RBFOX1: variants seen among roughly 807,000 people sequenced by gnomAD.
RBFOX1 encodes RNA binding protein fox-1 homolog 1.
A neutral mutation model predicts 57.7 loss-of-function variants in RBFOX1; 8 were observed. That is an observed-to-expected ratio of 0.14 (90% confidence interval 0.08 to 0.25). The LOEUF is 0.25. Ranked by LOEUF, RBFOX1 falls within the 10% of genes least tolerant of loss-of-function variation. RBFOX1 has a pLI of 1.00. For missense variants in RBFOX1, 611 were observed against 548.5 expected, an observed-to-expected ratio of 1.11 and a Z score of -1.14; for synonymous variants, 326 against 222.4, an observed-to-expected ratio of 1.47 and a Z score of -4.15.
chr16:5,270,186 A>C (rs1405131165), intron 1 of RBFOX1: 2 of 416,988 alleles, frequency 4.8e-6, no homozygotes, highest in Non-Finnish European at 9.0e-6. Flanking sequence ...GGCGGTTGTT[A>C]AGAACAAGTG....
chr16:7,584,424 C>G (rs779003164), intron 6 of RBFOX1, among the ~76,000 whole-genome samples: 2 of 152,310 alleles, frequency 1.3e-5, no homozygotes, highest in South Asian at 2.1e-4. Context: ...TCCCAAGTAA[C>G]TGGGATTACA....
At chr16:5,583,816 T>C (rs1396355610) in intron 2 of RBFOX1, among the ~76,000 whole-genome samples, 1 of 152,170 alleles carries the variant, frequency 6.6e-6, no homozygotes, top group Non-Finnish European at 1.5e-5. Context: ...TGCTCAAGGT[T>C]ATAAGTCTGC....
chr16:7,587,689 G>A (rs2094202089), intron 7 of RBFOX1, among the ~76,000 whole-genome samples: 1 of 152,160 alleles, frequency 6.6e-6, no homozygotes, highest in Non-Finnish European at 1.5e-5. Flanking sequence ...ATTTTCCTGG[G>A]TTGTAGGGGA....
intron 3 of RBFOX1, among the ~76,000 whole-genome samples, chr16:7,000,159 A>C (rs964024573): frequency 4.6e-5 from 7 of 152,096 alleles, no homozygotes; most frequent in Non-Finnish European, 8.8e-5. Flanking sequence ...AGAATATGAG[A>C]ATTCTTAAGG....
At chr16:6,311,541 C>T (rs1050526961) in intron 1 of RBFOX1, among the ~76,000 whole-genome samples, 49 of 152,116 alleles carry the variant, frequency 3.2e-4, no homozygotes, top group Non-Finnish European at 1.0e-4. Flanking sequence ...CGCCTGATGG[C>T]AGGGAAAGGT....
In RBFOX1 at chr16:7,075,336, A is replaced by C. The variant is rs181296126; in HGVS notation, c.27+23238A>C. The stretch of plus-strand genomic sequence containing the variant: ...TATAGAGCACTGAGAGGTTGCCCAA[A>C]AGAACTCTAGGAGAAGAGTTGGGAA... On this transcript the variant is annotated intron_variant, in intron 4 of 15. Transcript: ENST00000550418. Among the ~76,000 whole-genome samples, 412 of 152,344 alleles carry C rather than the reference A, an allele frequency of 2.7e-3. 1 individual carries two copies. The highest frequency in any genetic ancestry group is 9.2e-3 in the African/African-American group (383 of 41,580).
intron 2 of RBFOX1, among the ~76,000 whole-genome samples, chr16:6,587,157 T>G (rs1048188969): frequency 6.6e-6 from 1 of 152,124 alleles, no homozygotes; most frequent in African/African-American, 2.4e-5. Flanking sequence ...ATTTTTTTTA[T>G]CCATTGACTA....
rs932439939 is a variant in RBFOX1 at position 6,807,914 on chromosome 16, GTA to G, written c.-16+153275_-16+153276del. Among the ~76,000 whole-genome samples, 50 of 132,154 alleles carry G rather than the reference GTA, an allele frequency of 3.8e-4. No individual in the cohort carries two copies. The East Asian group carries it at 4.2e-3, about 11-fold the overall frequency. The allele number at this position is 132,154 out of a possible 152,430, so 86.7% of individuals were successfully genotyped here. ...TATATTATTGTGTGTGTGTGTGTGT[GTA>G]TATATATATAGGGTATAATATGCAT... On this transcript the variant is annotated intron_variant, in intron 3 of 15. Transcript: ENST00000550418.
intron 3 of RBFOX1, among the ~76,000 whole-genome samples, chr16:5,650,356 G>C (rs1345352094): frequency 6.6e-6 from 1 of 151,052 alleles, no homozygotes; most frequent in Admixed American, 6.6e-5. Context: ...GTGGTGTGGA[G>C]GGAGGGAGGG....
chr16:7,663,482 C>G (rs999727471), intron 12 of RBFOX1, among the ~76,000 whole-genome samples: 7 of 150,002 alleles, frequency 4.7e-5, no homozygotes, highest in African/African-American at 1.7e-4. Flanking sequence ...AGTGTCACAG[C>G]TGCGTGTGTG....
At chr16:5,905,082 T>TTA (rs1234745744) in intron 4 of RBFOX1, among the ~76,000 whole-genome samples, 2 of 146,074 alleles carry the variant, frequency 1.4e-5, no homozygotes, top group Non-Finnish European at 3.0e-5. Context: ...TTTTTTTTTT[T>TTA]TTGAGACAGA....
intron 2 of RBFOX1, among the ~76,000 whole-genome samples, chr16:5,505,042 G>T (rs146884564): frequency 1.3e-5 from 2 of 150,876 alleles, no homozygotes; most frequent in Non-Finnish European, 2.9e-5. Context: ...TGGTCAAGGC[G>T]CTGGTTGCAT....
intron 3 of RBFOX1, among the ~76,000 whole-genome samples, chr16:6,866,541 ATT>A (rs56678526): frequency 7.6e-5 from 6 of 78,874 alleles, no homozygotes; most frequent in Admixed American, 2.0e-4. Context: ...CTTTCCTTCT[ATT>A]TTTTTTTTTT....
chr16:5,382,071 C>A (rs1277169603), intron 1 of RBFOX1, among the ~76,000 whole-genome samples: 1 of 152,184 alleles, frequency 6.6e-6, no homozygotes, highest in East Asian at 1.9e-4. Flanking sequence ...AGAACAAAAT[C>A]ACCCCCCTGG....
chr16:6,319,127 C>A (rs2081456200), intron 2 of RBFOX1, among the ~76,000 whole-genome samples: 1 of 152,076 alleles, frequency 6.6e-6, no homozygotes, highest in Non-Finnish European at 1.5e-5. Context: ...TTGCTCCAGT[C>A]TCTTACAGGA....
intron 1 of RBFOX1, among the ~76,000 whole-genome samples, chr16:5,429,857 C>T (rs1319283726): frequency 6.6e-6 from 1 of 152,160 alleles, no homozygotes; most frequent in Non-Finnish European, 1.5e-5. Flanking sequence ...CCGGCTGTGT[C>T]AGTGAATGAA....
chr16:7,713,088 G>A lies in RBFOX1; in HGVS notation c.*2343G>A, dbSNP rs1298667813. 1 of 151,794 alleles carries A rather than the reference G, an allele frequency of 6.6e-6. No homozygotes were observed. The highest frequency in any genetic ancestry group is 1.5e-5 in the Non-Finnish European group (1 of 67,942). 9.4% of individuals were successfully genotyped at this position (151,794 alleles called of 1,614,324 possible). A position where few individuals can be genotyped will look rare whatever the true frequency, so the allele number is the denominator to read the frequency against. Reference sequence around the variant, plus strand: ...TGTCAGAGATGTAAACAAACATTTTGGATTTTTTTTAAACAGTATTTATTT... The same window carrying A: ...TGTCAGAGATGTAAACAAACATTTTAGATTTTTTTTAAACAGTATTTATTT... On this transcript the variant is annotated 3_prime_UTR_variant, in exon 16 of 16. Coordinates refer to ENST00000550418, the MANE Select transcript of RBFOX1 (RefSeq NM_018723.4).
At chr16:6,846,279 C>T (rs899498577) in intron 3 of RBFOX1, among the ~76,000 whole-genome samples, 1 of 152,142 alleles carries the variant, frequency 6.6e-6, no homozygotes, top group African/African-American at 2.4e-5. Context: ...CGAAGATCCC[C>T]AATTCCGTGT....
intron 3 of RBFOX1, among the ~76,000 whole-genome samples, chr16:6,890,889 G>A (rs1428720141): frequency 6.6e-6 from 1 of 152,160 alleles, no homozygotes; most frequent in Non-Finnish European, 1.5e-5. Context: ...TGAAGTCAGG[G>A]GTATGAAGTG....
Sources: gnomAD v4.1 joint callset for allele counts (sites outside exome capture counted in the v4.1 genomes callset) on GRCh38, gnomAD v4.1.1 for gene constraint, MANE v1.5 for transcripts, NCBI Gene and HGNC (gene_info 2026-07-23, HGNC 2026-07-21) for gene names.